Variants in CWC27 observed in about 807,000 individuals in gnomAD.
CWC27 encodes the protein CWC27 spliceosome associated cyclophilin, also known as spliceosome-associated protein CWC27 homolog.
In CWC27, 47 loss-of-function variants were observed where a neutral mutation model predicts 63.6. That is an observed-to-expected ratio of 0.74 (90% CI 0.58 to 0.94). The LOEUF is 0.94. CWC27 is among the 40% of genes least tolerant of loss of function. The pLI, the probability that CWC27 is intolerant of heterozygous loss-of-function variation, is 0.00. For missense variants in CWC27, 495 were observed against 554.3 expected (o/e 0.89, Z 1.07); for synonymous variants, 175 against 179.8 (o/e 0.97, Z 0.22).
chr5:64,770,789 A>G (rs775800463), intron 1 of CWC27, among the ~76,000 whole-genome samples: 1 of 152,238 alleles, frequency 6.6e-6, no homozygotes, highest in East Asian at 1.9e-4. Flanking sequence ...ATTAAGCATC[A>G]GTGAGTTTGA....
chr5:64,850,225 C>CA (rs61174118), intron 10 of CWC27, among the ~76,000 whole-genome samples: 12 of 129,658 alleles, frequency 9.3e-5, no homozygotes, highest in Admixed American at 7.9e-4. Flanking sequence ...TGGTACTGGC[C>CA]AAAAAAAAAG....
intron 13 of CWC27, among the ~76,000 whole-genome samples, chr5:64,993,720 A>C (rs1283864520): frequency 2.0e-5 from 3 of 152,070 alleles, no homozygotes; most frequent in Non-Finnish European, 4.4e-5. Flanking sequence ...CTATGCATTC[A>C]TAAGTTATTT....
At chr5:64,959,299 C>G (rs1287091095) in intron 11 of CWC27, among the ~76,000 whole-genome samples, 2 of 152,022 alleles carry the variant, frequency 1.3e-5, no homozygotes, top group Non-Finnish European at 2.9e-5. Context: ...GCTTTAGTCT[C>G]TGGTCACTAA....
At chr5:64,854,517 CT>C (rs1268404496) in intron 10 of CWC27, among the ~76,000 whole-genome samples, 1 of 152,218 alleles carries the variant, frequency 6.6e-6, no homozygotes, top group African/African-American at 2.4e-5. Context: ...ATAATTCTGA[CT>C]TCAGTGCCCT....
At chr5:64,845,119 C>T in intron 10 of CWC27, 1 of 421,894 alleles carries the variant, frequency 2.4e-6, no homozygotes, top group Non-Finnish European at 4.8e-6. Context: ...TATCCAGCAG[C>T]CCCATGTAAC....
intron 10 of CWC27, among the ~76,000 whole-genome samples, chr5:64,880,854 A>ATTTTTTT (rs35152901): frequency 7.4e-6 from 1 of 136,032 alleles, no homozygotes. Context: ...TATAAAAGCC[A>ATTTTTTT]TTTTTTTTTT....
At chr5:65,010,374 A>G (rs1342376938) in intron 13 of CWC27, among the ~76,000 whole-genome samples, 2 of 152,204 alleles carry the variant, frequency 1.3e-5, no homozygotes, top group Non-Finnish European at 2.9e-5. Flanking sequence ...TTCTTTAAAA[A>G]TAAAAAGGCT....
At chr5:64,796,002 CGTGTGTGTGTGTGTGTGT>C (rs56699605) in intron 7 of CWC27, among the ~76,000 whole-genome samples, 2 of 135,772 alleles carry the variant, frequency 1.5e-5, no homozygotes, top group Non-Finnish European at 3.2e-5. Flanking sequence ...AGAAATTGTG[CGTGTGTGTGTGTGTGTGT>C]GTGTGTGTGT....
At chr5:64,934,114 G>A (rs1230858026) in intron 11 of CWC27, among the ~76,000 whole-genome samples, 1 of 151,830 alleles carries the variant, frequency 6.6e-6, no homozygotes, top group Non-Finnish European at 1.5e-5. Flanking sequence ...TGTTTTGTTT[G>A]TATTATACTT....
chr5:64,826,708 T>G (rs1006671153), intron 10 of CWC27, among the ~76,000 whole-genome samples: 2 of 151,816 alleles, frequency 1.3e-5, no homozygotes, highest in Non-Finnish European at 2.9e-5. Context: ...TTTTTGTTTT[T>G]TTTTTTTGCT....
chr5:64,947,842 G>GT, intron 11 of CWC27, among the ~76,000 whole-genome samples: 1 of 152,010 alleles, frequency 6.6e-6, no homozygotes, highest in Non-Finnish European at 1.5e-5. Flanking sequence ...TTGTTCCAAA[G>GT]GATAGATGTT....
At chr5:64,891,644 G>A (rs1434135327) in intron 11 of CWC27, among the ~76,000 whole-genome samples, 1 of 152,064 alleles carries the variant, frequency 6.6e-6, no homozygotes, top group Admixed American at 6.6e-5. Flanking sequence ...GCTTTACTTT[G>A]TGAACCCTAC....
intron 11 of CWC27, among the ~76,000 whole-genome samples, chr5:64,913,024 G>T (rs910659286): frequency 1.3e-5 from 2 of 152,106 alleles, no homozygotes; most frequent in African/African-American, 4.8e-5. Flanking sequence ...CATATTAAAT[G>T]AGGCAATATT....
chr5:64,920,033 T>C (rs1747966537), intron 11 of CWC27, among the ~76,000 whole-genome samples: 1 of 152,224 alleles, frequency 6.6e-6, no homozygotes, highest in Non-Finnish European at 1.5e-5. Flanking sequence ...ATCAACAGTA[T>C]TCTATGCATT....
chr5:64,906,514 G>T (rs1322920643), intron 11 of CWC27, among the ~76,000 whole-genome samples: 1 of 152,160 alleles, frequency 6.6e-6, no homozygotes, highest in Non-Finnish European at 1.5e-5. Context: ...TTTTGATGGA[G>T]TTGTTTGTTT....
intron 2 of CWC27, among the ~76,000 whole-genome samples, chr5:64,775,320 C>T (rs892043568): frequency 6.6e-6 from 1 of 152,140 alleles, no homozygotes; most frequent in East Asian, 1.9e-4. Context: ...ACTGTAATTG[C>T]CTCTTGCCTG....
chr5:64,979,838 A>G (rs1749301491), intron 13 of CWC27, among the ~76,000 whole-genome samples: 1 of 152,162 alleles, frequency 6.6e-6, no homozygotes, highest in Non-Finnish European at 1.5e-5. Flanking sequence ...GATAGAAACC[A>G]TTACCAATTT....
At chr5:64,800,701 T>C (rs796681730) in intron 8 of CWC27, among the ~76,000 whole-genome samples, 7 of 152,344 alleles carry the variant, frequency 4.6e-5, no homozygotes, top group East Asian at 1.9e-4. Flanking sequence ...AGTTAAAGGT[T>C]TTTGTGAAGA....
At chr5:64,920,684 G>C (rs1368732729) in intron 11 of CWC27, among the ~76,000 whole-genome samples, 1 of 152,132 alleles carries the variant, frequency 6.6e-6, no homozygotes, top group Non-Finnish European at 1.5e-5. Flanking sequence ...AATCTGAGAA[G>C]GCTGTGTGTT....
Sources: allele counts gnomAD v4.1 joint callset (sites outside exome capture counted in the v4.1 genomes callset), GRCh38; gene constraint gnomAD v4.1.1; transcripts MANE v1.5; gene names NCBI Gene and HGNC (gene_info 2026-07-23, HGNC 2026-07-21).